TMEM132C: variants seen among roughly 807,000 people sequenced by gnomAD.
The protein encoded by TMEM132C is transmembrane protein 132C.
TMEM132C carries 29 observed loss-of-function variants against 61.4 expected under a neutral mutation model. That is an observed-to-expected ratio of 0.47 (90% CI 0.35 to 0.64). The LOEUF is 0.64. TMEM132C is among the 30% of genes least tolerant of loss of function. The pLI is 0.00. For missense variants in TMEM132C, 1,408 were observed against 1,476.9 expected (o/e 0.95, Z 0.76); for synonymous variants, 656 against 633.1 (o/e 1.04, Z -0.54).
intron 5 of TMEM132C, among the ~76,000 whole-genome samples, chr12:128,687,598 A>T (rs971177581): frequency 6.6e-6 from 1 of 152,238 alleles, no homozygotes; most frequent in Non-Finnish European, 1.5e-5. Flanking sequence ...TGCACCTGGC[A>T]TGTTCAGGAA....
intron 1 of TMEM132C, among the ~76,000 whole-genome samples, chr12:128,412,811 G>A (rs146637259): frequency 5.2e-4 from 79 of 152,246 alleles, no homozygotes; most frequent in Non-Finnish European, 9.3e-4. Flanking sequence ...ACAGAAGTTA[G>A]TATACTCAGC....
intron 1 of TMEM132C, among the ~76,000 whole-genome samples, chr12:128,298,330 C>A (rs1486329640): frequency 6.6e-6 from 1 of 152,206 alleles, no homozygotes; most frequent in Non-Finnish European, 1.5e-5. Flanking sequence ...TGAATGTGTT[C>A]CTTCCGAAAG....
At chr12:128,319,443 A>AG (rs1030680670) in intron 1 of TMEM132C, among the ~76,000 whole-genome samples, 40 of 152,046 alleles carry the variant, frequency 2.6e-4, no homozygotes, top group African/African-American at 9.2e-4. Flanking sequence ...GTTTTGACTG[A>AG]GGGAGTACAG....
intron 2 of TMEM132C, among the ~76,000 whole-genome samples, chr12:128,517,628 A>T (rs1199896644): frequency 2.0e-5 from 3 of 152,228 alleles, no homozygotes; most frequent in Admixed American, 6.5e-5. Flanking sequence ...TGGTAGGTCT[A>T]TGGGTGTTCA....
intron 2 of TMEM132C, among the ~76,000 whole-genome samples, chr12:128,495,910 G>A (rs1871935804): frequency 6.6e-6 from 1 of 152,160 alleles, no homozygotes; most frequent in Non-Finnish European, 1.5e-5. Context: ...GTTAGTTGAT[G>A]CATTTTCTTC....
chr12:128,679,358 G>A (rs1252223179), intron 5 of TMEM132C, among the ~76,000 whole-genome samples: 1 of 152,226 alleles, frequency 6.6e-6, no homozygotes, highest in Non-Finnish European at 1.5e-5. Context: ...CTTAACAACA[G>A]CAAGCACTGG....
chr12:128,583,417 A>G (rs1242348652), intron 3 of TMEM132C, among the ~76,000 whole-genome samples: 1 of 152,212 alleles, frequency 6.6e-6, no homozygotes, highest in Non-Finnish European at 1.5e-5. Context: ...GCTTTACAAA[A>G]AAGAATTTTG....
At chr12:128,582,852 G>A (rs896167809) in intron 3 of TMEM132C, among the ~76,000 whole-genome samples, 3 of 152,090 alleles carry the variant, frequency 2.0e-5, no homozygotes, top group African/African-American at 7.2e-5. Flanking sequence ...TTAGCTCACT[G>A]CAGCCTCAAA....
chr12:128,555,664 C>T (rs956999253), intron 3 of TMEM132C, among the ~76,000 whole-genome samples: 9 of 151,900 alleles, frequency 5.9e-5, no homozygotes, highest in African/African-American at 1.9e-4. Context: ...TTGTGGCAAA[C>T]GTTGACTGTT....
rs540188544 is a variant in TMEM132C, at chr12:128,653,529, G to A, written c.1306-15888G>A. ...CAGATATTGTAGTGGGTCAGAGCAT[G>A]AGCTTTAGGGTTCCATCGGCCTGGG... On this transcript the variant is annotated intron_variant, in intron 4 of 8. Transcript: ENST00000435159. Among the ~76,000 whole-genome samples the A allele has an allele frequency of 1.0e-3, 157 of 152,314 alleles. No homozygotes were observed. The South Asian group carries it at 0.014, about 13-fold the overall frequency.
intron 3 of TMEM132C, among the ~76,000 whole-genome samples, chr12:128,566,484 C>T (rs1874708521): frequency 1.3e-5 from 2 of 152,170 alleles, no homozygotes; most frequent in Non-Finnish European, 2.9e-5. Context: ...AAATGTGAAA[C>T]ATTGTGTTTG....
chr12:128,268,351 G>A (rs567701909), intron 1 of TMEM132C, among the ~76,000 whole-genome samples: 1 of 152,188 alleles, frequency 6.6e-6, no homozygotes, highest in Non-Finnish European at 1.5e-5. Flanking sequence ...CCGAGTGGCC[G>A]CGCGGATGCG....
At chr12:128,538,932 T>C (rs1182580663) in intron 2 of TMEM132C, among the ~76,000 whole-genome samples, 1 of 152,238 alleles carries the variant, frequency 6.6e-6, no homozygotes, top group African/African-American at 2.4e-5. Flanking sequence ...TTACTTTTCC[T>C]TCTCTGCATA....
chr12:128,577,713 G>A (rs4882789), intron 3 of TMEM132C, among the ~76,000 whole-genome samples: 125,236 of 152,214 alleles, frequency 0.82, 51,871 homozygotes, highest in South Asian at 0.87. Flanking sequence ...AAGTTTTATG[G>A]TCTCATCTTG....
chr12:128,411,971 C>G (rs1868568988), intron 1 of TMEM132C, among the ~76,000 whole-genome samples: 1 of 152,128 alleles, frequency 6.6e-6, no homozygotes, highest in Non-Finnish European at 1.5e-5. Flanking sequence ...AAGAAATATA[C>G]AGAAAGTAGT....
intron 3 of TMEM132C, among the ~76,000 whole-genome samples, chr12:128,587,004 C>T (rs1257093516): frequency 6.6e-6 from 1 of 152,204 alleles, no homozygotes; most frequent in Non-Finnish European, 1.5e-5. Flanking sequence ...GAGCCATATT[C>T]ACAGATACGT....
intron 4 of TMEM132C, among the ~76,000 whole-genome samples, chr12:128,647,912 G>A (rs1273351378): frequency 1.4e-5 from 2 of 145,164 alleles, no homozygotes; most frequent in East Asian, 4.2e-4. Flanking sequence ...AGTGTGTTTA[G>A]CTCAGTCCAT....
intron 1 of TMEM132C, among the ~76,000 whole-genome samples, chr12:128,342,835 T>A (rs1873021376): frequency 6.6e-6 from 1 of 152,214 alleles, no homozygotes; most frequent in Non-Finnish European, 1.5e-5. Context: ...CCCTCCGCCC[T>A]TTGAACTTCA....
intron 4 of TMEM132C, among the ~76,000 whole-genome samples, chr12:128,618,568 T>C (rs1435016762): frequency 1.3e-5 from 2 of 152,148 alleles, no homozygotes; most frequent in African/African-American, 4.8e-5. Context: ...TTCCCACATG[T>C]TGTGGGAGGG....
Sources: gnomAD v4.1 joint callset for allele counts (sites outside exome capture counted in the v4.1 genomes callset) on GRCh38, gnomAD v4.1.1 for gene constraint, MANE v1.5 for transcripts, NCBI Gene and HGNC (gene_info 2026-07-23, HGNC 2026-07-21) for gene names.